The following YBX1 variants were observed in gnomAD, a reference collection of about 807,000 sequenced individuals.
YBX1 encodes Y-box binding protein 1.
YBX1 carries 3 observed loss-of-function variants against 41.4 expected under a neutral mutation model. The ratio of observed to expected loss-of-function variants is 0.07; its 90% CI spans 0.03 to 0.19. The LOEUF (loss-of-function observed/expected upper bound fraction) is 0.19. YBX1 is among the 10% of genes least tolerant of loss of function. YBX1 has a pLI of 1.00. For synonymous variants in YBX1, 133 were observed against 165.8 expected (o/e 0.80, Z 1.52); for missense variants, 274 against 462.8 (o/e 0.59, Z 3.74).
At chr1:42,683,177 C>A in intron 1 of YBX1, 1 of 662,254 alleles carries the variant, frequency 1.5e-6, no homozygotes. Flanking sequence ...ACACACCCAT[C>A]CTGGGGCCCG....
At position 42,696,902 on chromosome 1, in the gene YBX1, A is replaced by G. The variant is rs757657517; in HGVS notation, c.615A>G (p.Arg205=). Residue 205 remains arginine (R), a synonymous_variant, in exon 5 of 8, where the codon CGA becomes CGG. Transcript: ENST00000321358. The surrounding 1 kb of genome is among the most constrained non-coding windows in gnomAD (Gnocchi z 5.7). ...PYYMRRPYGR[R]PQYSNPPVQG... ...ACATGCGGAGACCCTATGGGCGTCG[A>G]CCACAGTATTCCAACCCTCCTGTGC... 6.4e-7 allele frequency: 1 copy of G among 1,572,598 alleles called. No homozygotes were observed. Among genetic ancestry groups the G allele is most frequent in the East Asian group, 2.2e-5 (1 of 44,542 alleles).
In YBX1 at chr1:42,687,121, T is replaced by G. The variant is rs79044436; in HGVS notation, c.230+3655T>G. 4.0e-3 allele frequency among the ~76,000 whole-genome samples: 614 copies of G among 152,324 alleles called. 2 individuals are homozygous for G. Among genetic ancestry groups the G allele is most frequent in the African/African-American group, 0.014 (589 of 41,580 alleles). The stretch of plus-strand genomic sequence containing the variant: ...ATCTACTTTGTGAAGTTTGGGATTG[T>G]TAAAAGTTCTAGTTTAGCATGTAGG... On this transcript the variant is annotated intron_variant, in intron 2 of 7. Transcript: ENST00000321358.
intron 6 of YBX1, among the ~76,000 whole-genome samples, chr1:42,698,464 G>T (rs1317935465): frequency 1.3e-5 from 2 of 152,136 alleles, no homozygotes; most frequent in East Asian, 3.8e-4. Context: ...TTCAGAGTAG[G>T]TCTAAAATAG....
chr1:42,697,390 A>G (rs570721385), intron 6 of YBX1, 128 bp downstream of exon 6: 26 of 875,448 alleles, frequency 3.0e-5, no homozygotes, highest in Non-Finnish European at 1.6e-5. Context: ...TCAGATGCCT[A>G]AGAGGTGAAC....
chr1:42,688,652 G>A (rs913557371), intron 2 of YBX1, among the ~76,000 whole-genome samples: 3 of 152,140 alleles, frequency 2.0e-5, no homozygotes, highest in Admixed American at 6.5e-5. Context: ...CAGGTATTGT[G>A]GTTTAGTGCA....
intron 2 of YBX1, among the ~76,000 whole-genome samples, chr1:42,687,193 G>A (rs1650216268): frequency 6.6e-6 from 1 of 152,122 alleles, no homozygotes; most frequent in Non-Finnish European, 1.5e-5. Flanking sequence ...ATACTGGGAG[G>A]TGAAGAATTA....
intron 1 of YBX1, 166 bp from the exon 2 acceptor site, chr1:42,683,237 T>TGCGGCGGCGGCGGCGACTGC (rs1650100660): frequency 1.3e-6 from 1 of 789,634 alleles, no homozygotes; most frequent in Non-Finnish European, 2.2e-6. Context: ...CACCCACGTG[T>TGCGGCGGCGGCGGCGACTGC]GCGGCGGCGG....
At chr1:42,698,820 C>T (rs962664212) in intron 6 of YBX1, among the ~76,000 whole-genome samples, 1 of 152,130 alleles carries the variant, frequency 6.6e-6, no homozygotes, top group Non-Finnish European at 1.5e-5. Context: ...GCAGAAGTAA[C>T]ATAAAATTGC....
At chr1:42,685,209 G>T (rs1288092068) in intron 2 of YBX1, among the ~76,000 whole-genome samples, 1 of 152,172 alleles carries the variant, frequency 6.6e-6, no homozygotes, top group Non-Finnish European at 1.5e-5. Flanking sequence ...TCCAGAATAA[G>T]AGTAATATCT....
intron 2 of YBX1, among the ~76,000 whole-genome samples, chr1:42,690,823 T>C (rs949655483): frequency 3.9e-5 from 6 of 152,242 alleles, no homozygotes; most frequent in Non-Finnish European, 8.8e-5. Flanking sequence ...CTGTATAATT[T>C]TTATTTTCAG....
chr1:42,700,709 A>G (rs1345767530), intron 6 of YBX1, 72 bp from the exon 7 acceptor site: 29 of 1,401,722 alleles, frequency 2.1e-5, no homozygotes, highest in East Asian at 2.6e-5. Flanking sequence ...TTGTGAACCA[A>G]CTGGTTACAC....
In YBX1 at chr1:42,687,011, C is replaced by G. The variant is rs147191214; in HGVS notation, c.230+3545C>G. ...GTGATTATTTTTAGCCGTTGAAAGA[C>G]TCTTAAATGATCCAAGTATGTCACT... On this transcript the variant is annotated intron_variant, in intron 2 of 7. Transcript: ENST00000321358. Among the ~76,000 whole-genome samples the G allele has an allele frequency of 9.8e-5, 15 of 152,290 alleles. No homozygotes were observed. In the East Asian group the frequency reaches 2.9e-3, roughly 29 times the overall value.
intron 3 of YBX1, among the ~76,000 whole-genome samples, chr1:42,694,410 G>A (rs1189234355): frequency 2.0e-5 from 3 of 151,826 alleles, no homozygotes; most frequent in Non-Finnish European, 4.4e-5. Context: ...TGTGCTATCA[G>A]TTTTCTCACT....
intron 2 of YBX1, among the ~76,000 whole-genome samples, chr1:42,692,614 A>G (rs1055374661): frequency 3.9e-5 from 6 of 152,188 alleles, no homozygotes; most frequent in Non-Finnish European, 8.8e-5. Flanking sequence ...TGTCCAGTTC[A>G]TTGTAACCTT....
chr1:42,686,126 A>G lies in YBX1; in HGVS notation c.230+2660A>G, dbSNP rs115211929. 4.0e-3 allele frequency among the ~76,000 whole-genome samples: 616 copies of G among 152,342 alleles called. 2 individuals are homozygous for G. The highest frequency in any genetic ancestry group is 0.014 in the African/African-American group (591 of 41,582). On this transcript the variant is annotated intron_variant, in intron 2 of 7. Transcript: ENST00000321358. ...GTTGAGTATTGATCCATATTCACCA[A>G]AGATTACCATGAATTGGCAACAGTT...
intron 2 of YBX1, among the ~76,000 whole-genome samples, chr1:42,688,781 C>A (rs1340552810): frequency 6.6e-6 from 1 of 152,178 alleles, no homozygotes; most frequent in Non-Finnish European, 1.5e-5. Flanking sequence ...TAGATGAGGT[C>A]TACAGCTGGA....
At chr1:42,701,916 A>G (rs1398779559) in intron 7 of YBX1, 65 bp from the exon 8 acceptor site, 1 of 152,674 alleles carries the variant, frequency 6.5e-6, no homozygotes, top group Non-Finnish European at 1.5e-5. Flanking sequence ...AAACTAGGGC[A>G]TGTACTACAC....
intron 2 of YBX1, among the ~76,000 whole-genome samples, chr1:42,692,378 C>T (rs1487433846): frequency 6.6e-6 from 1 of 152,132 alleles, no homozygotes; most frequent in African/African-American, 2.4e-5. Flanking sequence ...CCTAGGCAAT[C>T]CTAATCATCT....
At chr1:42,701,215 T>C (rs992305907) in intron 7 of YBX1, among the ~76,000 whole-genome samples, 169 bp downstream of exon 7, 5 of 152,198 alleles carry the variant, frequency 3.3e-5, no homozygotes, top group African/African-American at 1.2e-4. Flanking sequence ...TTTAGGAATA[T>C]TGAATATCAG....
Sources: allele counts gnomAD v4.1 joint callset (sites outside exome capture counted in the v4.1 genomes callset), GRCh38; gene constraint gnomAD v4.1.1; non-coding constraint Gnocchi (gnomAD v3.1); transcripts MANE v1.5; gene names NCBI Gene and HGNC (gene_info 2026-07-23, HGNC 2026-07-21).